Variants in TRPM1 observed in about 807,000 individuals in gnomAD.
TRPM1 encodes TRPM1-203 APA Isoform, Intron 10.
TRPM1 carries 113 observed loss-of-function variants against 149.4 expected under a neutral mutation model. That is an observed-to-expected ratio of 0.76 (90% CI 0.65 to 0.88). The LOEUF is 0.88. Among genes scored for constraint, TRPM1 ranks in the 40% least tolerant of loss-of-function variants. The pLI, the probability that TRPM1 is intolerant of heterozygous loss-of-function variation, is 0.00. For missense variants in TRPM1, 1,976 were observed against 2,038.7 expected, an observed-to-expected ratio of 0.97 and a Z score of 0.59; for synonymous variants, 741 against 759.5, an observed-to-expected ratio of 0.98 and a Z score of 0.40.
chr15:31,081,619 C>G (rs2034860890), intron 1 of TRPM1, among the ~76,000 whole-genome samples, 181 bp from the exon 2 acceptor site: 1 of 152,054 alleles, frequency 6.6e-6, no homozygotes, highest in African/African-American at 2.4e-5. Flanking sequence ...TAAACCTTCT[C>G]CCCCACCTCC....
chr15:31,126,484 A>G (rs1042489026), intron 1 of TRPM1, among the ~76,000 whole-genome samples: 3 of 152,094 alleles, frequency 2.0e-5, no homozygotes, highest in Non-Finnish European at 2.9e-5. Context: ...TTCCTTTCAC[A>G]ACTCTCCCAT....
chr15:31,004,292 G>A (rs1184999799), intron 27 of TRPM1, among the ~76,000 whole-genome samples: 1 of 151,924 alleles, frequency 6.6e-6, no homozygotes, highest in East Asian at 1.9e-4. Flanking sequence ...CCATTTCACG[G>A]TGGTCAGCCA....
At chr15:31,119,453 C>T (rs1183707502) in intron 1 of TRPM1, among the ~76,000 whole-genome samples, 4 of 151,928 alleles carry the variant, frequency 2.6e-5, no homozygotes, top group Non-Finnish European at 5.9e-5. Flanking sequence ...TATTTTCAGA[C>T]AAACAGAATT....
intron 27 of TRPM1, among the ~76,000 whole-genome samples, chr15:31,022,809 G>T (rs1190309639): frequency 6.6e-6 from 1 of 152,190 alleles, no homozygotes; most frequent in Admixed American, 6.5e-5. Flanking sequence ...GAGGCCAGGA[G>T]TTTGAGACCT....
chr15:31,082,882 G>A (rs2034899907), intron 1 of TRPM1, among the ~76,000 whole-genome samples: 2 of 152,158 alleles, frequency 1.3e-5, no homozygotes, highest in Non-Finnish European at 1.5e-5. Flanking sequence ...TCCCCTGAAG[G>A]GGAGCCCAGA....
intron 12 of TRPM1, 57 bp from the exon 13 acceptor site, chr15:31,049,566 G>T (rs940729564): frequency 8.1e-6 from 13 of 1,604,802 alleles, no homozygotes; most frequent in Admixed American, 6.7e-5. Flanking sequence ...ACAGGGGAGG[G>T]GGGCGACTGG....
chr15:31,088,975 T>G (rs190595410), intron 1 of TRPM1, among the ~76,000 whole-genome samples: 28 of 152,324 alleles, frequency 1.8e-4, no homozygotes, highest in African/African-American at 5.8e-4. Flanking sequence ...CTCCCAGCAC[T>G]TTCTTGGCTG....
At chr15:31,143,341 T>G (rs1342590256) in intron 1 of TRPM1, among the ~76,000 whole-genome samples, 1 of 152,218 alleles carries the variant, frequency 6.6e-6, no homozygotes, top group Admixed American at 6.5e-5. Context: ...TTTTACAGCT[T>G]TTTAATTTGA....
chr15:31,027,185 A>G (rs1379796139), intron 25 of TRPM1, 68 bp from the exon 26 acceptor site: 1 of 1,462,796 alleles, frequency 6.8e-7, no homozygotes, highest in East Asian at 2.3e-5. Flanking sequence ...GAGCAGTCAA[A>G]GTTACTCACA....
rs374757492 is a variant in TRPM1 at position 31,063,446 on chromosome 15, C to T, written c.791-154G>A. Among the ~76,000 whole-genome samples, 3 of 151,918 alleles carry T rather than the reference C, an allele frequency of 2.0e-5. No individual in the cohort carries two copies. In the East Asian group the frequency reaches 5.8e-4, roughly 29 times the overall value. On this transcript the variant is annotated intron_variant, in intron 7 of 27. Coordinates refer to ENST00000256552, the MANE Select transcript of TRPM1 (RefSeq NM_001252024.2). ...AATTCAGGCATGTGATAACAATTTT[C>T]TTTTTCTTTTCTTTTCTTTTTTCTT...
chr15:31,112,623 C>G (rs923265819), intron 1 of TRPM1, among the ~76,000 whole-genome samples: 16 of 152,044 alleles, frequency 1.1e-4, no homozygotes, highest in African/African-American at 3.4e-4. Flanking sequence ...GATGAAAAGG[C>G]GTGGTGTCCA....
chr15:31,086,169 G>A (rs992522355), intron 1 of TRPM1, among the ~76,000 whole-genome samples: 1 of 152,194 alleles, frequency 6.6e-6, no homozygotes, highest in African/African-American at 2.4e-5. Context: ...AAAAGGGTGG[G>A]ACCACTGGGG....
chr15:31,005,325 T>A (rs939439751), intron 27 of TRPM1, among the ~76,000 whole-genome samples: 1 of 152,184 alleles, frequency 6.6e-6, no homozygotes. Flanking sequence ...TCAAATCTTT[T>A]ATAGTTTTAC....
At chr15:31,155,752 A>G (rs1347954569) in intron 1 of TRPM1, among the ~76,000 whole-genome samples, 1 of 152,036 alleles carries the variant, frequency 6.6e-6, no homozygotes, top group African/African-American at 2.4e-5. Context: ...CTAAACTCTG[A>G]CCTTTTTTCT....
At chr15:31,113,561 T>G (rs1213721677) in intron 1 of TRPM1, among the ~76,000 whole-genome samples, 1 of 152,186 alleles carries the variant, frequency 6.6e-6, no homozygotes, top group Non-Finnish European at 1.5e-5. Context: ...ATGTTTTTTT[T>G]TAACTTTAGG....
At chr15:31,085,454 G>A (rs889378921) in intron 1 of TRPM1, among the ~76,000 whole-genome samples, 5 of 152,316 alleles carry the variant, frequency 3.3e-5, no homozygotes, top group Non-Finnish European at 7.3e-5. Flanking sequence ...GAAGAAAGTC[G>A]TATCAGAATT....
intron 27 of TRPM1, among the ~76,000 whole-genome samples, chr15:31,015,400 A>G (rs1337432981): frequency 3.3e-5 from 5 of 151,002 alleles, no homozygotes; most frequent in Non-Finnish European, 7.4e-5. Flanking sequence ...TGACAGAGCG[A>G]GACTCCGTCT....
chr15:31,024,630 C>T (rs1227384414), intron 27 of TRPM1, among the ~76,000 whole-genome samples: 1 of 152,010 alleles, frequency 6.6e-6, no homozygotes, highest in Non-Finnish European at 1.5e-5. Flanking sequence ...AGCTTTGGTC[C>T]AAGAATGGTA....
chr15:31,062,056 C>A (rs1387477591), intron 9 of TRPM1, among the ~76,000 whole-genome samples: 3 of 152,096 alleles, frequency 2.0e-5, no homozygotes, highest in African/African-American at 7.2e-5. Context: ...TTTCCCCATC[C>A]CTTCTGGCAC....
Sources: gnomAD v4.1 joint callset for allele counts (sites outside exome capture counted in the v4.1 genomes callset) on GRCh38, gnomAD v4.1.1 for gene constraint, MANE v1.5 for transcripts, NCBI Gene and HGNC (gene_info 2026-07-23, HGNC 2026-07-21) for gene names.